The following STK39 variants were observed in gnomAD, a reference collection of about 807,000 sequenced individuals.
STK39 encodes STE20/SPS1-related proline-alanine-rich protein kinase.
In STK39, 20 loss-of-function variants were observed where a neutral mutation model predicts 77.8. That is an observed-to-expected ratio of 0.26 (90% confidence interval 0.18 to 0.37). The LOEUF (loss-of-function observed/expected upper bound fraction) is 0.37. Ranked by LOEUF, STK39 falls within the 10% of genes least tolerant of loss-of-function variation. STK39 has a pLI of 1.00. For synonymous variants in STK39, 246 were observed against 234.1 expected (o/e 1.05, Z -0.47); for missense variants, 479 against 656.5 (o/e 0.73, Z 2.95).
chr2:168,229,407 G>A (rs1187048732), intron 1 of STK39, among the ~76,000 whole-genome samples: 6 of 151,008 alleles, frequency 4.0e-5, no homozygotes, highest in African/African-American at 9.7e-5. Flanking sequence ...AAATTAAAAG[G>A]TATAACAGTA....
chr2:168,242,557 AAAAATATATATATATATAT>A (rs1302969283), intron 1 of STK39, among the ~76,000 whole-genome samples: 3 of 59,114 alleles, frequency 5.1e-5, no homozygotes, highest in Admixed American at 2.0e-4. Context: ...AAAAAAAAAA[AAAAATATATATATATATAT>A]ATATATATAT....
intron 10 of STK39, among the ~76,000 whole-genome samples, chr2:168,113,773 G>C (rs983604441): frequency 6.6e-6 from 1 of 152,130 alleles, no homozygotes; most frequent in African/African-American, 2.4e-5. Context: ...CTGGTTAAAG[G>C]GCCCAGGTAT....
At chr2:167,956,004 T>C (rs1236184375) in intron 17 of STK39, among the ~76,000 whole-genome samples, 1 of 152,180 alleles carries the variant, frequency 6.6e-6, no homozygotes, top group South Asian at 2.1e-4. Flanking sequence ...CCAGGAGTAA[T>C]TTAGTTTTTA....
At chr2:167,998,255 T>A (rs1166646578) in intron 16 of STK39, among the ~76,000 whole-genome samples, 1 of 152,204 alleles carries the variant, frequency 6.6e-6, no homozygotes, top group Non-Finnish European at 1.5e-5. Context: ...AACAAGAACT[T>A]ACTTTACTGC....
At chr2:168,155,604 T>C (rs1688406761) in intron 5 of STK39, among the ~76,000 whole-genome samples, 1 of 130,460 alleles carries the variant, frequency 7.7e-6, no homozygotes, top group South Asian at 2.5e-4. Context: ...GTGTATTCTA[T>C]TTTCTGAGTA....
chr2:168,050,827 T>C (rs1016924244), intron 14 of STK39, among the ~76,000 whole-genome samples: 2 of 152,174 alleles, frequency 1.3e-5, no homozygotes, highest in African/African-American at 2.4e-5. Flanking sequence ...AGAAAACTAA[T>C]ACAAAGGCCA....
At chr2:168,190,932 A>G (rs1490248851) in intron 1 of STK39, among the ~76,000 whole-genome samples, 1 of 152,224 alleles carries the variant, frequency 6.6e-6, no homozygotes, top group Non-Finnish European at 1.5e-5. Flanking sequence ...CAAACATTCC[A>G]CAAAGAAATG....
At position 168,012,712 on chromosome 2, in the gene STK39, T is replaced by C. The variant is rs1291074648; in HGVS notation, c.1430-10A>G. 6.2e-7 allele frequency: 1 copy of C among 1,611,922 alleles called. No individual in the cohort carries two copies. The stretch of plus-strand genomic sequence containing the variant: ...ACACCATCTGCTGTATCTGTCCAAA[T>C]GTGAAATGAATATGTATTAGTAACC... On this transcript the variant is annotated splice_polypyrimidine_tract_variant and intron_variant, in intron 15 of 17. Coordinates refer to ENST00000355999, the MANE Select transcript of STK39 (RefSeq NM_013233.3).
chr2:168,234,011 CTCT>C (rs1172581584), intron 1 of STK39, among the ~76,000 whole-genome samples: 2 of 152,184 alleles, frequency 1.3e-5, no homozygotes, highest in East Asian at 1.9e-4. Flanking sequence ...CACAAGAATA[CTCT>C]TCTTCTGAAG....
Position 167,964,779 on chromosome 2 carries a change from G to C in STK39, c.1499-53C>G, listed in dbSNP as rs371560742. On this transcript the variant is annotated intron_variant, in intron 16 of 17. Coordinates refer to ENST00000355999, the MANE Select transcript of STK39 (RefSeq NM_013233.3). Reference sequence around the variant, plus strand: ...TTTCCAGATTATTTCCAATAACAGTGGATTTTCACATCAATGACTCAGAAA... The same window carrying C: ...TTTCCAGATTATTTCCAATAACAGTCGATTTTCACATCAATGACTCAGAAA... 186 of 1,456,690 alleles carry C rather than the reference G, an allele frequency of 1.3e-4. 1 individual carries two copies. The African/African-American group carries it at 2.2e-3, about 18-fold the overall frequency. The allele number at this position is 1,456,690 out of a possible 1,614,324, so 90.2% of individuals were successfully genotyped here.
chr2:168,089,460 T>C (rs1352077019), intron 10 of STK39, among the ~76,000 whole-genome samples: 1 of 152,210 alleles, frequency 6.6e-6, no homozygotes, highest in Non-Finnish European at 1.5e-5. Context: ...TGACTTTCAA[T>C]GGAAGGATAA....
intron 16 of STK39, among the ~76,000 whole-genome samples, chr2:167,995,399 C>T (rs1208281808): frequency 1.3e-5 from 2 of 152,144 alleles, no homozygotes; most frequent in African/African-American, 4.8e-5. Context: ...TGAGCCCCCG[C>T]GCCCAGCCAA....
At chr2:168,146,853 G>A (rs1384620383) in intron 5 of STK39, among the ~76,000 whole-genome samples, 1 of 152,172 alleles carries the variant, frequency 6.6e-6, no homozygotes, top group Non-Finnish European at 1.5e-5. Flanking sequence ...AAATGGAGAG[G>A]ATTAGACCAA....
At chr2:168,062,335 T>A (rs1459301370) in intron 14 of STK39, among the ~76,000 whole-genome samples, 1 of 152,160 alleles carries the variant, frequency 6.6e-6, no homozygotes, top group Admixed American at 6.5e-5. Flanking sequence ...AGTACCTCGT[T>A]CGAAAGTCAA....
At chr2:167,995,391 A>G (rs1236246370) in intron 16 of STK39, among the ~76,000 whole-genome samples, 1 of 152,204 alleles carries the variant, frequency 6.6e-6, no homozygotes, top group Non-Finnish European at 1.5e-5. Flanking sequence ...TACAGGCGTG[A>G]GCCCCCGCGC....
intron 14 of STK39, among the ~76,000 whole-genome samples, chr2:168,029,305 T>G (rs1388083083): frequency 6.6e-6 from 1 of 152,174 alleles, no homozygotes; most frequent in African/African-American, 2.4e-5. Flanking sequence ...TCTAACTTCA[T>G]CAAAAGAGAA....
intron 2 of STK39, 54 bp downstream of exon 2, chr2:168,181,924 A>G (rs1266046345): frequency 6.8e-7 from 1 of 1,478,672 alleles, no homozygotes; most frequent in Non-Finnish European, 9.4e-7. Context: ...CCATCCCCAT[A>G]TACCCATAGA....
chr2:168,030,941 T>TG (rs1684818086), intron 14 of STK39, among the ~76,000 whole-genome samples: 1 of 152,222 alleles, frequency 6.6e-6, no homozygotes, highest in Non-Finnish European at 1.5e-5. Context: ...AGGGCACACT[T>TG]GCCAGGAGAC....
At chr2:168,156,585 C>T (rs1688435273) in intron 5 of STK39, among the ~76,000 whole-genome samples, 1 of 152,120 alleles carries the variant, frequency 6.6e-6, no homozygotes, top group Admixed American at 6.6e-5. Flanking sequence ...GGACACCATC[C>T]CAATTTCAAT....
Sources: gnomAD v4.1 joint callset for allele counts (sites outside exome capture counted in the v4.1 genomes callset) on GRCh38, gnomAD v4.1.1 for gene constraint, MANE v1.5 for transcripts, NCBI Gene and HGNC (gene_info 2026-07-23, HGNC 2026-07-21) for gene names.